TMTC1: variants seen among roughly 807,000 people sequenced by gnomAD.
The protein encoded by TMTC1 is protein O-mannosyl-transferase TMTC1.
In TMTC1, 73 loss-of-function variants were observed where a neutral mutation model predicts 104.8. The observed-to-expected ratio is 0.70, with a 90% confidence interval of 0.58 to 0.85. The LOEUF (loss-of-function observed/expected upper bound fraction) is 0.85. Among genes scored for constraint, TMTC1 ranks in the 40% least tolerant of loss-of-function variants. TMTC1 has a pLI of 0.00. For synonymous variants in TMTC1, 434 were observed against 428.7 expected, an observed-to-expected ratio of 1.01 and a Z score of -0.15; for missense variants, 1,035 against 1,096.1, an observed-to-expected ratio of 0.94 and a Z score of 0.79.
chr12:29,599,918 G>GTA (rs1243674341), intron 7 of TMTC1, among the ~76,000 whole-genome samples: 9 of 147,468 alleles, frequency 6.1e-5, no homozygotes, highest in African/African-American at 1.0e-4. Context: ...ATATATATGT[G>GTA]TATATATATG....
rs1555187829 is a variant in TMTC1, at chr12:29,691,720, G to GGA, written c.939-58385_939-58384insTC. 1.9e-3 allele frequency among the ~76,000 whole-genome samples: 205 copies of GGA among 109,458 alleles called. 19 individuals are homozygous for GGA. The highest frequency in any genetic ancestry group is 6.9e-3 in the African/African-American group (202 of 29,346). The allele number at this position is 109,458 out of a possible 152,430, so 71.8% of individuals were successfully genotyped here. A position where few individuals can be genotyped will look rare whatever the true frequency, so the allele number is the denominator to read the frequency against. On this transcript the variant is annotated intron_variant, in intron 5 of 17. Coordinates refer to ENST00000539277, the MANE Select transcript of TMTC1 (RefSeq NM_001193451.2). ...TAACAACTCATACACCCAAAAGTAG[G>GGA]AAAAAAAAAAAAAAAAAACCTACTT...
chr12:29,762,150 GC>G (rs1181103303), intron 2 of TMTC1, among the ~76,000 whole-genome samples: 1 of 152,192 alleles, frequency 6.6e-6, no homozygotes, highest in African/African-American at 2.4e-5. Context: ...CTGCGCCCCA[GC>G]CTGGGCGACA....
intron 17 of TMTC1, among the ~76,000 whole-genome samples, chr12:29,508,406 C>T (rs1365755175): frequency 2.6e-5 from 4 of 152,144 alleles, no homozygotes; most frequent in Admixed American, 2.0e-4. Flanking sequence ...TCTAAGAGTG[C>T]TCTCAAAATC....
chr12:29,732,814 G>A (rs1413416141), intron 5 of TMTC1, among the ~76,000 whole-genome samples: 4 of 152,072 alleles, frequency 2.6e-5, no homozygotes, highest in African/African-American at 7.2e-5. Flanking sequence ...CCAGAGGGAG[G>A]AGGCCACTCC....
chr12:29,685,005 A>G (rs1323943255), intron 5 of TMTC1, among the ~76,000 whole-genome samples: 1 of 152,160 alleles, frequency 6.6e-6, no homozygotes, highest in Non-Finnish European at 1.5e-5. Flanking sequence ...TCTATTGCCA[A>G]CCTAAGAAAC....
rs1010888753 is a variant in TMTC1 at position 29,581,603 on chromosome 12, T to G, written c.1418+1804A>C. Among the ~76,000 whole-genome samples, 7 of 152,156 alleles carry G rather than the reference T, an allele frequency of 4.6e-5. No homozygotes were observed. In the East Asian group the frequency reaches 9.6e-4, roughly 21 times the overall value. Reference sequence around the variant, plus strand: ...TCTTTGGCATCAGCTGTAAAGGGTTTGAGTACTAAGTCTGCCAAAATCCAT... The same window carrying G: ...TCTTTGGCATCAGCTGTAAAGGGTTGGAGTACTAAGTCTGCCAAAATCCAT... On this transcript the variant is annotated intron_variant, in intron 8 of 17. Coordinates refer to ENST00000539277, the MANE Select transcript of TMTC1 (RefSeq NM_001193451.2).
rs1938380897 is a variant in TMTC1 at position 29,633,132 on chromosome 12, T to C, written c.1128+15A>G. 1.9e-6 allele frequency: 3 copies of C among 1,601,994 alleles called. No individual in the cohort carries two copies. Among genetic ancestry groups the C allele is most frequent in the African/African-American group, 2.7e-5 (2 of 74,678 alleles). On this transcript the variant is annotated intron_variant, in intron 6 of 17. Coordinates refer to ENST00000539277, the MANE Select transcript of TMTC1 (RefSeq NM_001193451.2). ...TCTTCAAATGCAGAGTTCATTCTAC[T>C]TTTGAGAAAATTACCTTAAAGGCTG...
chr12:29,693,532 C>T (rs1941325425), intron 5 of TMTC1, among the ~76,000 whole-genome samples: 1 of 152,104 alleles, frequency 6.6e-6, no homozygotes, highest in Non-Finnish European at 1.5e-5. Flanking sequence ...CGTTCCCCAC[C>T]CGTTCCCAGC....
chr12:29,674,219 C>T lies in TMTC1; in HGVS notation c.939-40883G>A, dbSNP rs139032013. ...CATTCAGTTATAAGCTAGGAGACTA[C>T]GCAGGCCTTTTAGCCTCCCTAGGTC... is the stretch of plus-strand genomic sequence containing the variant. On this transcript the variant is annotated intron_variant, in intron 5 of 17. Transcript: ENST00000539277. Among the ~76,000 whole-genome samples the T allele has an allele frequency of 2.2e-4, 34 of 152,226 alleles. No homozygotes were observed. In the East Asian group the frequency reaches 5.8e-3, roughly 26 times the overall value.
At chr12:29,520,919 A>T (rs1420654327) in intron 11 of TMTC1, 199 bp from the exon 12 acceptor site, 1 of 533,786 alleles carries the variant, frequency 1.9e-6, no homozygotes, top group Middle Eastern at 5.1e-4. Flanking sequence ...CCCAAAATTC[A>T]TATCTGTATT....
chr12:29,552,739 T>C (rs1258208769), intron 10 of TMTC1, among the ~76,000 whole-genome samples: 1 of 152,256 alleles, frequency 6.6e-6, no homozygotes, highest in Non-Finnish European at 1.5e-5. Flanking sequence ...AGAGATAACT[T>C]GGATTCTCAG....
At chr12:29,640,360 T>C (rs898182815) in intron 5 of TMTC1, among the ~76,000 whole-genome samples, 14 of 152,006 alleles carry the variant, frequency 9.2e-5, no homozygotes, top group African/African-American at 3.4e-4. Flanking sequence ...CATTGTGAAT[T>C]TTAGCTCCAG....
At position 29,783,569 on chromosome 12, in the gene TMTC1, G is replaced by C. The variant is rs1200724192; in HGVS notation, c.183C>G (p.Pro61=). The C allele has an allele frequency of 4.7e-6, 7 of 1,483,334 alleles. No homozygotes were observed. In the African/African-American group the frequency reaches 1.0e-4, roughly 21 times the overall value. The allele number at this position is 1,483,334 out of a possible 1,614,324, so 91.9% of individuals were successfully genotyped here. The change falls in exon 1 of 18, where the codon CCC becomes CCG. Residue 61 remains proline, a synonymous_variant. Coordinates refer to ENST00000539277, the MANE Select transcript of TMTC1 (RefSeq NM_001193451.2). This position sits in a 1 kb window ranked among gnomAD's most constrained non-coding sequence, Gnocchi z 4.7. ...HDDVWAIVNN[P]DVRPGAPLRW... is the part of the protein sequence containing the mutation. ...GGAGCGGGGCGCCGGGCCGCACGTC[G>C]GGGTTGTTCACGATCGCCCACACGT... is the stretch of plus-strand genomic sequence containing the variant.
chr12:29,747,653 G>A (rs1942988619), intron 5 of TMTC1, among the ~76,000 whole-genome samples: 1 of 152,194 alleles, frequency 6.6e-6, no homozygotes, highest in Non-Finnish European at 1.5e-5. Context: ...TGCAGGTTCA[G>A]CATTTTCATA....
intron 8 of TMTC1, among the ~76,000 whole-genome samples, chr12:29,573,027 A>C (rs1295152954): frequency 1.3e-5 from 2 of 152,112 alleles, no homozygotes; most frequent in East Asian, 1.9e-4. Context: ...TCAATGTGGA[A>C]ACCCATGCAA....
intron 10 of TMTC1, among the ~76,000 whole-genome samples, chr12:29,546,950 T>C (rs897746814): frequency 1.3e-5 from 2 of 152,128 alleles, no homozygotes; most frequent in Non-Finnish European, 1.5e-5. Flanking sequence ...AAATTATTCC[T>C]TTTTCACCTA....
intron 9 of TMTC1, among the ~76,000 whole-genome samples, chr12:29,558,557 G>A (rs1331615006): frequency 6.6e-6 from 1 of 152,094 alleles, no homozygotes; most frequent in Non-Finnish European, 1.5e-5. Context: ...CCTCTTGACT[G>A]ACAAGGGCTA....
intron 10 of TMTC1, among the ~76,000 whole-genome samples, chr12:29,556,268 T>C (rs1054301279): frequency 3.3e-5 from 5 of 152,236 alleles, no homozygotes; most frequent in African/African-American, 4.8e-5. Flanking sequence ...CTGAGAATTA[T>C]TCCTAAGCAC....
intron 15 of TMTC1, among the ~76,000 whole-genome samples, chr12:29,515,319 A>T (rs966282716): frequency 1.3e-5 from 2 of 152,022 alleles, no homozygotes; most frequent in African/African-American, 4.8e-5. Flanking sequence ...CAAATATCTG[A>T]TCATGTTCCT....
Sources: allele counts gnomAD v4.1 joint callset (sites outside exome capture counted in the v4.1 genomes callset), GRCh38; gene constraint gnomAD v4.1.1; non-coding constraint Gnocchi (gnomAD v3.1); transcripts MANE v1.5; gene names NCBI Gene and HGNC (gene_info 2026-07-23, HGNC 2026-07-21).